Variants in RIMBP2 observed in about 807,000 individuals in gnomAD.
The protein encoded by RIMBP2 is RIMS-binding protein 2.
In RIMBP2, 48 loss-of-function variants were observed where a neutral mutation model predicts 118.6. The ratio of observed to expected loss-of-function variants is 0.40; its 90% CI spans 0.32 to 0.51. The LOEUF is 0.51. Ranked by LOEUF, RIMBP2 falls within the 20% of genes least tolerant of loss-of-function variation. RIMBP2 has a pLI of 0.41. For synonymous variants in RIMBP2, 762 were observed against 742.9 expected (o/e 1.03, Z -0.42); for missense variants, 1,551 against 1,768.3 (o/e 0.88, Z 2.20).
chr12:130,522,909 C>T (rs775911188), intron 2 of RIMBP2, among the ~76,000 whole-genome samples: 6 of 152,236 alleles, frequency 3.9e-5, no homozygotes, highest in Non-Finnish European at 5.9e-5. Flanking sequence ...CAACAGGGAC[C>T]GGGGCTTTCT....
Position 130,644,153 on chromosome 12 carries a change from G to C in RIMBP2, c.-351-15697C>G, listed in dbSNP as rs139216515. Among the ~76,000 whole-genome samples, 625 of 152,332 alleles carry C rather than the reference G, an allele frequency of 4.1e-3. 3 individuals carry two copies. The highest frequency in any genetic ancestry group is 0.014 in the African/African-American group (594 of 41,580). On this transcript the variant is annotated intron_variant, in intron 1 of 22. Coordinates refer to ENST00000690449, the MANE Select transcript of RIMBP2 (RefSeq NM_001393629.1). Reference sequence around the variant, plus strand: ...AGCTATACTGTGGATTCAGGGGCCTGTAGCCTCTCCCATTGAGACGAAGGA... The same window carrying C: ...AGCTATACTGTGGATTCAGGGGCCTCTAGCCTCTCCCATTGAGACGAAGGA...
At chr12:130,644,392 C>G (rs2062756719) in intron 1 of RIMBP2, among the ~76,000 whole-genome samples, 1 of 152,176 alleles carries the variant, frequency 6.6e-6, no homozygotes, top group Non-Finnish European at 1.5e-5. Flanking sequence ...AAGATCCAGC[C>G]CTGAGACGCC....
chr12:130,699,276 C>T (rs2065722312), intron 1 of RIMBP2, among the ~76,000 whole-genome samples: 1 of 152,106 alleles, frequency 6.6e-6, no homozygotes. Flanking sequence ...GACACATGCA[C>T]ACGTATGTCT....
chr12:130,644,333 C>G (rs2062754242), intron 1 of RIMBP2, among the ~76,000 whole-genome samples: 1 of 152,214 alleles, frequency 6.6e-6, no homozygotes, highest in South Asian at 2.1e-4. Context: ...AGCTGCTCAG[C>G]TCTTAATCCA....
intron 4 of RIMBP2, among the ~76,000 whole-genome samples, chr12:130,483,814 C>A (rs377422645): frequency 8.3e-5 from 12 of 144,894 alleles, no homozygotes; most frequent in African/African-American, 3.1e-4. Context: ...CACCTAGATA[C>A]GGTGCCCGGA....
At chr12:130,674,759 C>T (rs920073359) in intron 1 of RIMBP2, among the ~76,000 whole-genome samples, 2 of 152,086 alleles carry the variant, frequency 1.3e-5, no homozygotes, top group African/African-American at 2.4e-5. Context: ...CATGACCGGC[C>T]GCTCCCCATT....
At position 130,424,160 on chromosome 12, in the gene RIMBP2, T is replaced by C. The variant is rs1461159686; in HGVS notation, c.3111A>G (p.Arg1037=). The C allele has an allele frequency of 8.1e-7, 1 of 1,231,974 alleles. No individual in the cohort carries two copies. Among genetic ancestry groups the C allele is most frequent in the African/African-American group, 1.6e-5 (1 of 64,398 alleles). 76.3% of individuals were successfully genotyped at this position (1,231,974 alleles called of 1,614,324 possible). A position where few individuals can be genotyped will look rare whatever the true frequency, so the allele number is the denominator to read the frequency against. ...CACACACCAGGGGGCCTTGTGCGAC[T>C]CTGGGAGGTGGCTTTGCGTGGGGGG... ...AAAPHAKPPP[R]VAQGPLILGN... is the part of the protein sequence containing the mutation. The change falls in exon 16 of 23, where the codon AGA becomes AGG. Residue 1037 remains arginine, a synonymous_variant. Coordinates refer to ENST00000690449, the MANE Select transcript of RIMBP2 (RefSeq NM_001393629.1). This position sits in a 1 kb window ranked among gnomAD's most constrained non-coding sequence, Gnocchi z 9.8.
intron 7 of RIMBP2, 37 bp downstream of exon 7, chr12:130,456,459 C>T: frequency 6.6e-7 from 1 of 1,524,814 alleles, no homozygotes; most frequent in Non-Finnish European, 8.8e-7. Context: ...GCCATTCTCT[C>T]CCCACCACAG....
intron 5 of RIMBP2, chr12:130,472,299 A>G (rs2081075291): frequency 6.6e-6 from 1 of 152,258 alleles, no homozygotes; most frequent in Non-Finnish European, 1.5e-5. Flanking sequence ...AGCATGGGAC[A>G]CTTCCTAAAG....
chr12:130,506,407 A>T (rs2050357614), intron 4 of RIMBP2, among the ~76,000 whole-genome samples: 1 of 152,246 alleles, frequency 6.6e-6, no homozygotes, highest in African/African-American at 2.4e-5. Flanking sequence ...TGTGTTTAAC[A>T]TCCTAAAAAA....
intron 1 of RIMBP2, among the ~76,000 whole-genome samples, chr12:130,641,155 A>G (rs974017489): frequency 2.6e-5 from 4 of 152,196 alleles, no homozygotes; most frequent in Admixed American, 6.5e-5. Context: ...GCATGCAGTC[A>G]TAATTACGAG....
intron 2 of RIMBP2, among the ~76,000 whole-genome samples, chr12:130,527,060 G>A (rs760724508): frequency 6.6e-6 from 1 of 152,174 alleles, no homozygotes; most frequent in Non-Finnish European, 1.5e-5. Context: ...GCCCCTTGAG[G>A]TTAAGGCCGA....
intron 1 of RIMBP2, among the ~76,000 whole-genome samples, chr12:130,711,910 C>A (rs1949945522): frequency 6.6e-6 from 1 of 152,278 alleles, no homozygotes; most frequent in South Asian, 2.1e-4. Context: ...ATGGGCAAGC[C>A]CATTGCTTCC....
intron 2 of RIMBP2, among the ~76,000 whole-genome samples, chr12:130,571,446 G>A (rs1206529032): frequency 2.1e-5 from 3 of 142,104 alleles, no homozygotes; most frequent in Non-Finnish European, 4.5e-5. Flanking sequence ...TGGAGACAGA[G>A]TCTCACTTTT....
chr12:130,459,201 G>A lies in RIMBP2; in HGVS notation c.154-2501C>T, dbSNP rs193180189. Reference sequence around the variant, plus strand: ...CGGTGCCATGAGGGAGTTTCTCTGGGTGACAGAGCCGTCTGTACAGCTGAT... The same window carrying A: ...CGGTGCCATGAGGGAGTTTCTCTGGATGACAGAGCCGTCTGTACAGCTGAT... On this transcript the variant is annotated intron_variant, in intron 6 of 22. Coordinates refer to ENST00000690449, the MANE Select transcript of RIMBP2 (RefSeq NM_001393629.1). Among the ~76,000 whole-genome samples, 7 of 152,070 alleles carry A rather than the reference G, an allele frequency of 4.6e-5. No individual in the cohort carries two copies. In the East Asian group the frequency reaches 1.4e-3, roughly 29 times the overall value.
chr12:130,429,831 C>G (rs1357646956), intron 14 of RIMBP2: 1 of 152,200 alleles, frequency 6.6e-6, no homozygotes, highest in African/African-American at 2.4e-5. Context: ...AGCCTCTCAG[C>G]TGCGCCAGCC....
intron 11 of RIMBP2, among the ~76,000 whole-genome samples, chr12:130,438,803 T>A (rs1035233502): frequency 6.6e-6 from 1 of 152,144 alleles, no homozygotes; most frequent in Non-Finnish European, 1.5e-5. Context: ...ACCACCTCCT[T>A]ACCTGTCCTC....
At chr12:130,561,344 A>T (rs1050987441) in intron 2 of RIMBP2, among the ~76,000 whole-genome samples, 1 of 152,160 alleles carries the variant, frequency 6.6e-6, no homozygotes, top group African/African-American at 2.4e-5. Context: ...TTATGTCTTC[A>T]TTCATTTTCC....
chr12:130,676,676 A>G (rs921294901), intron 1 of RIMBP2, among the ~76,000 whole-genome samples: 2 of 152,128 alleles, frequency 1.3e-5, no homozygotes, highest in African/African-American at 2.4e-5. Context: ...ACATCCATAC[A>G]GTGGAATATT....
Sources: gnomAD v4.1 joint callset for allele counts (sites outside exome capture counted in the v4.1 genomes callset) on GRCh38, gnomAD v4.1.1 for gene constraint, Gnocchi (gnomAD v3.1) non-coding constraint, MANE v1.5 for transcripts, NCBI Gene and HGNC (gene_info 2026-07-23, HGNC 2026-07-21) for gene names.